The following AUTS2 variants were observed in gnomAD, a reference collection of about 807,000 sequenced individuals.
AUTS2 encodes autism susceptibility gene 2 protein.
Under a neutral mutation model 112.4 loss-of-function variants are expected in AUTS2, and 17 were observed. The observed-to-expected ratio is 0.15, with a 90% confidence interval of 0.10 to 0.23. The LOEUF (loss-of-function observed/expected upper bound fraction) is 0.23, where lower values mean the gene tolerates loss of function less well. Among genes scored for constraint, AUTS2 ranks in the 10% least tolerant of loss-of-function variants. The pLI, the probability that AUTS2 is intolerant of heterozygous loss-of-function variation, is 1.00. For synonymous variants in AUTS2, 751 were observed against 702.7 expected (o/e 1.07, Z -1.09); for missense variants, 1,510 against 1,701.6 (o/e 0.89, Z 1.98).
At chr7:70,411,108 G>A (rs1360970963) in intron 4 of AUTS2, among the ~76,000 whole-genome samples, 3 of 151,964 alleles carry the variant, frequency 2.0e-5, no homozygotes, top group African/African-American at 4.8e-5. Flanking sequence ...CAGGTGATCC[G>A]CCCGCCTTGG....
At position 70,473,997 on chromosome 7, in the gene AUTS2, C is replaced by A. The variant is rs374471460; in HGVS notation, c.690+38216C>A. Among the ~76,000 whole-genome samples the A allele has an allele frequency of 4.6e-5, 7 of 152,274 alleles. No homozygotes were observed. The East Asian group carries it at 1.2e-3, about 25-fold the overall frequency. On this transcript the variant is annotated intron_variant, in intron 5 of 18. Transcript: ENST00000342771. The stretch of plus-strand genomic sequence containing the variant: ...GAGAGACTTCCCATGTGTTAAAAAT[C>A]TGCTAAACTTTGCAGCCCCAACTCT...
chr7:70,638,704 C>CT (rs1158938548), intron 5 of AUTS2, among the ~76,000 whole-genome samples: 1 of 152,094 alleles, frequency 6.6e-6, no homozygotes, highest in Non-Finnish European at 1.5e-5. Flanking sequence ...CTTTTTTTCC[C>CT]TTTAGTTTAC....
rs370165032 is a variant in AUTS2, at chr7:70,446,167, G to A, written c.690+10386G>A. Among the ~76,000 whole-genome samples the A allele has an allele frequency of 9.2e-5, 14 of 152,338 alleles. No homozygotes were observed. The East Asian group carries it at 2.7e-3, about 29-fold the overall frequency. On this transcript the variant is annotated intron_variant, in intron 5 of 18. Transcript: ENST00000342771. ...CTGATTCTCACCCTGACAGAGGTCT[G>A]GGTCCATCAGGGCCACAGGGCCTTT...
At chr7:70,000,667 A>G (rs1424259070) in intron 2 of AUTS2, among the ~76,000 whole-genome samples, 2 of 152,206 alleles carry the variant, frequency 1.3e-5, no homozygotes, top group Non-Finnish European at 2.9e-5. Flanking sequence ...GTGTGTTTCT[A>G]TCATTCATTC....
chr7:69,721,633 G>A (rs1021766629), intron 1 of AUTS2, among the ~76,000 whole-genome samples: 2 of 152,170 alleles, frequency 1.3e-5, no homozygotes, highest in Non-Finnish European at 2.9e-5. Context: ...CTTGTCCTGT[G>A]TTATGCAATG....
chr7:69,753,296 G>A (rs753249619), intron 1 of AUTS2, among the ~76,000 whole-genome samples: 25 of 151,862 alleles, frequency 1.6e-4, no homozygotes, highest in South Asian at 4.2e-4. Flanking sequence ...CTAGATACAC[G>A]TAATGTGGAA....
intron 2 of AUTS2, among the ~76,000 whole-genome samples, chr7:69,948,011 GTTA>G (rs1796882719): frequency 6.6e-6 from 1 of 152,126 alleles, no homozygotes; most frequent in South Asian, 2.1e-4. Context: ...TTTTTACTCT[GTTA>G]TTATTTCGCG....
At chr7:70,315,870 G>C (rs1208854144) in intron 4 of AUTS2, among the ~76,000 whole-genome samples, 1 of 152,136 alleles carries the variant, frequency 6.6e-6, no homozygotes, top group African/African-American at 2.4e-5. Flanking sequence ...GGCATCCCAA[G>C]TCGTTCCCCA....
chr7:69,960,653 G>A (rs1182254753), intron 2 of AUTS2, among the ~76,000 whole-genome samples: 2 of 152,176 alleles, frequency 1.3e-5, no homozygotes, highest in African/African-American at 2.4e-5. Flanking sequence ...TTGTTGGAGA[G>A]ATGAACATGC....
At chr7:70,304,829 C>T (rs955404028) in intron 4 of AUTS2, among the ~76,000 whole-genome samples, 1 of 145,430 alleles carries the variant, frequency 6.9e-6, no homozygotes, top group Non-Finnish European at 1.5e-5. Context: ...GGATGCTCAA[C>T]CTATAATACC....
intron 10 of AUTS2, among the ~76,000 whole-genome samples, chr7:70,770,348 T>C (rs1356608642): frequency 6.6e-6 from 1 of 152,218 alleles, no homozygotes; most frequent in African/African-American, 2.4e-5. Context: ...AAGGACGTGC[T>C]CTGAACACGG....
At chr7:70,782,379 G>C (rs1036742339) in intron 15 of AUTS2, 1 of 152,296 alleles carries the variant, frequency 6.6e-6, no homozygotes, top group African/African-American at 2.4e-5. Flanking sequence ...CATCGGATCT[G>C]TAATTCATTT....
intron 1 of AUTS2, among the ~76,000 whole-genome samples, chr7:69,819,105 G>A (rs1282244977): frequency 6.6e-6 from 1 of 152,176 alleles, no homozygotes; most frequent in African/African-American, 2.4e-5. Flanking sequence ...ACCCAGTAAG[G>A]GTATCTTTTG....
At chr7:70,388,518 A>G (rs937863279) in intron 4 of AUTS2, among the ~76,000 whole-genome samples, 23 of 152,194 alleles carry the variant, frequency 1.5e-4, no homozygotes, top group African/African-American at 5.1e-4. Flanking sequence ...CACTATTATT[A>G]TTTTCAGTCA....
intron 1 of AUTS2, among the ~76,000 whole-genome samples, chr7:69,677,742 T>C (rs1244534249): frequency 6.6e-6 from 1 of 152,212 alleles, no homozygotes; most frequent in African/African-American, 2.4e-5. Context: ...CTAGGTTAAA[T>C]GTACTAGGCC....
chr7:69,646,374 G>C (rs1451855476), intron 1 of AUTS2, among the ~76,000 whole-genome samples: 1 of 152,170 alleles, frequency 6.6e-6, no homozygotes, highest in Non-Finnish European at 1.5e-5. Flanking sequence ...GGACTAGATT[G>C]CTTTTCATGA....
At chr7:69,861,013 C>T (rs972257051) in intron 1 of AUTS2, among the ~76,000 whole-genome samples, 1 of 152,086 alleles carries the variant, frequency 6.6e-6, no homozygotes, top group South Asian at 2.1e-4. Flanking sequence ...ATGTAGCCAA[C>T]ACAACACTGA....
intron 2 of AUTS2, among the ~76,000 whole-genome samples, chr7:69,945,629 T>G (rs535877388): frequency 4.7e-5 from 7 of 150,528 alleles, no homozygotes; most frequent in South Asian, 4.2e-4. Flanking sequence ...TTTTTTTGGG[T>G]TTTTTTTTGG....
At chr7:69,750,257 G>T (rs370573545) in intron 1 of AUTS2, among the ~76,000 whole-genome samples, 1 of 151,842 alleles carries the variant, frequency 6.6e-6, no homozygotes, top group South Asian at 2.1e-4. Context: ...CTCAAGTTTC[G>T]ATTTGAAGGT....
Sources: allele counts gnomAD v4.1 joint callset (sites outside exome capture counted in the v4.1 genomes callset), GRCh38; gene constraint gnomAD v4.1.1; transcripts MANE v1.5; gene names NCBI Gene and HGNC (gene_info 2026-07-23, HGNC 2026-07-21).